The following GTF2F2 variants were observed in gnomAD, a reference collection of about 807,000 sequenced individuals.
GTF2F2 encodes general transcription factor IIF subunit 2, also known as ATP-dependent helicase GTF2F2.
GTF2F2 carries 23 observed loss-of-function variants against 42.2 expected under a neutral mutation model. The observed-to-expected ratio is 0.55, with a 90% CI of 0.39 to 0.77. GTF2F2 has a LOEUF of 0.77. Ranked by LOEUF, GTF2F2 falls within the 30% of genes least tolerant of loss-of-function variation. GTF2F2 has a pLI of 0.00. For synonymous variants in GTF2F2, 105 were observed against 100.8 expected (o/e 1.04, Z -0.25); for missense variants, 261 against 287.2 (o/e 0.91, Z 0.66).
At chr13:45,279,661 G>C (rs191789249) in intron 7 of GTF2F2, among the ~76,000 whole-genome samples, 2 of 152,064 alleles carry the variant, frequency 1.3e-5, no homozygotes, top group African/African-American at 4.8e-5. Flanking sequence ...TAATCCTAGC[G>C]CTTTGGGAGG....
At position 45,127,938 on chromosome 13, in the gene GTF2F2, C is replaced by CTTTTTTTTTTT. The variant is rs1161627204; in HGVS notation, c.66+7238_66+7248dup. Among the ~76,000 whole-genome samples the CTTTTTTTTTTT allele has an allele frequency of 4.1e-3, 197 of 48,602 alleles. 7 individuals are homozygous for CTTTTTTTTTTT. Among genetic ancestry groups the CTTTTTTTTTTT allele is most frequent in the Non-Finnish European group, 4.8e-3 (126 of 26,522 alleles). The allele number at this position is 48,602 out of a possible 152,430, so 31.9% of individuals were successfully genotyped here. On this transcript the variant is annotated intron_variant, in intron 1 of 7. Transcript: ENST00000340473. Reference sequence around the variant, plus strand: ...GAGCCACTGTGCCTGGCACCCCGGCCTTTTTTTTTTTTTTTTTTTTTTTTT... The same window carrying CTTTTTTTTTTT: ...GAGCCACTGTGCCTGGCACCCCGGCCTTTTTTTTTTTTTTTTTTTTTTTTTTTTTTTTTTTT...
At chr13:45,181,579 CAATT>C (rs1314534254) in intron 4 of GTF2F2, among the ~76,000 whole-genome samples, 4 of 152,184 alleles carry the variant, frequency 2.6e-5, no homozygotes, top group African/African-American at 7.2e-5. Flanking sequence ...AATACAAAAA[CAATT>C]AGTATGTATT....
Position 45,153,269 on chromosome 13 carries a change from C to T in GTF2F2, c.304+1438C>T, listed in dbSNP as rs565943351. Among the ~76,000 whole-genome samples the T allele has an allele frequency of 5.3e-5, 8 of 152,092 alleles. 1 individual carries two copies. The South Asian group carries it at 1.0e-3, about 20-fold the overall frequency. On this transcript the variant is annotated intron_variant, in intron 4 of 7. Coordinates refer to ENST00000340473, the MANE Select transcript of GTF2F2 (RefSeq NM_004128.3). The stretch of plus-strand genomic sequence containing the variant: ...TCCTGACCTCGTGATCCGCCCGCCT[C>T]GGCCTCCCGGAGTGCTGGGATTACA...
At chr13:45,249,084 T>C (rs1262332244) in intron 5 of GTF2F2, among the ~76,000 whole-genome samples, 1 of 152,194 alleles carries the variant, frequency 6.6e-6, no homozygotes, top group Admixed American at 6.5e-5. Context: ...CATATCAAGG[T>C]CAGTAATGTT....
chr13:45,202,341 C>T (rs1402252542), intron 4 of GTF2F2, among the ~76,000 whole-genome samples: 4 of 151,966 alleles, frequency 2.6e-5, no homozygotes, highest in East Asian at 3.9e-4. Flanking sequence ...GAGCCAAGAT[C>T]GCGCCACTGC....
intron 4 of GTF2F2, among the ~76,000 whole-genome samples, chr13:45,167,843 G>T (rs559629924): frequency 1.3e-5 from 2 of 152,018 alleles, no homozygotes; most frequent in African/African-American, 4.8e-5. Flanking sequence ...GAGCCACCAC[G>T]CCCAGCCTCA....
intron 5 of GTF2F2, among the ~76,000 whole-genome samples, chr13:45,212,446 T>TCTTTCTTTCTTTTCTTTTCTTTTC (rs1566137016): frequency 2.8e-5 from 1 of 36,166 alleles, no homozygotes; most frequent in Non-Finnish European, 5.5e-5. Flanking sequence ...CTTTCTTTCT[T>TCTTTCTTTCTTTTCTTTTCTTTTC]GTTTCTTTCT....
chr13:45,194,342 G>A (rs757491963), intron 4 of GTF2F2: 6 of 1,613,998 alleles, frequency 3.7e-6, no homozygotes, highest in Non-Finnish European at 4.2e-6. Context: ...ATGAAATAAT[G>A]ACCATCAGCA....
At chr13:45,248,427 G>GT (rs1338382114) in intron 5 of GTF2F2, among the ~76,000 whole-genome samples, 2 of 151,530 alleles carry the variant, frequency 1.3e-5, no homozygotes, top group African/African-American at 2.4e-5. Flanking sequence ...GTTTTGTTTT[G>GT]TTTTTTGTTT....
intron 5 of GTF2F2, among the ~76,000 whole-genome samples, chr13:45,212,455 C>CTTTCT (rs71184403): frequency 1.0e-5 from 1 of 96,594 alleles, no homozygotes; most frequent in Admixed American, 1.0e-4. Context: ...TTGTTTCTTT[C>CTTTCT]TTTCTTTCTT....
intron 6 of GTF2F2, among the ~76,000 whole-genome samples, chr13:45,265,360 A>T (rs1371077789): frequency 6.6e-6 from 1 of 152,000 alleles, no homozygotes. Context: ...ATCTTGTCCT[A>T]GGTAGCTCTT....
At chr13:45,147,847 T>C (rs959988958) in intron 2 of GTF2F2, among the ~76,000 whole-genome samples, 1 of 152,226 alleles carries the variant, frequency 6.6e-6, no homozygotes, top group Non-Finnish European at 1.5e-5. Flanking sequence ...AAATCCCCCA[T>C]GTTTTCGACT....
intron 6 of GTF2F2, among the ~76,000 whole-genome samples, chr13:45,254,139 GAGA>G (rs1875997624): frequency 2.6e-5 from 4 of 151,582 alleles, no homozygotes; most frequent in Admixed American, 6.6e-5. Flanking sequence ...GAGTGAGAGA[GAGA>G]GAGACCACAT....
intron 4 of GTF2F2, chr13:45,194,607 G>T (rs369829244): frequency 6.4e-7 from 1 of 1,559,570 alleles, no homozygotes; most frequent in Non-Finnish European, 8.7e-7. Flanking sequence ...TCTTGGCTTT[G>T]AGATTTTTTA....
chr13:45,217,795 A>G (rs1873953926), intron 5 of GTF2F2, among the ~76,000 whole-genome samples: 1 of 152,210 alleles, frequency 6.6e-6, no homozygotes, highest in Non-Finnish European at 1.5e-5. Context: ...ACCTTAGGCA[A>G]AACTATGAAG....
chr13:45,245,645 T>A (rs1393118853), intron 5 of GTF2F2, among the ~76,000 whole-genome samples: 3 of 147,286 alleles, frequency 2.0e-5, no homozygotes, highest in African/African-American at 7.4e-5. Flanking sequence ...TTTTTATGGC[T>A]GAGTAGTATT....
intron 1 of GTF2F2, among the ~76,000 whole-genome samples, chr13:45,135,804 T>A (rs1869591519): frequency 6.6e-6 from 1 of 152,222 alleles, no homozygotes; most frequent in South Asian, 2.1e-4. Context: ...TGACACTTAC[T>A]GAGTAATTGC....
At chr13:45,233,899 C>T (rs910534640) in intron 5 of GTF2F2, among the ~76,000 whole-genome samples, 7 of 152,052 alleles carry the variant, frequency 4.6e-5, no homozygotes, top group South Asian at 4.2e-4. Flanking sequence ...GGCAACAGAG[C>T]GCGTCTCTGT....
chr13:45,214,532 G>GC (rs1566137890), intron 5 of GTF2F2, among the ~76,000 whole-genome samples: 3 of 152,108 alleles, frequency 2.0e-5, no homozygotes, highest in Non-Finnish European at 4.4e-5. Context: ...ATTGTTAACA[G>GC]CCTAACTTTT....
Sources: allele counts gnomAD v4.1 joint callset (sites outside exome capture counted in the v4.1 genomes callset), GRCh38; gene constraint gnomAD v4.1.1; transcripts MANE v1.5; gene names NCBI Gene and HGNC (gene_info 2026-07-23, HGNC 2026-07-21).